Variants in ROPN1 observed in about 807,000 individuals in gnomAD.
ROPN1 encodes the protein ropporin-1A.
ROPN1 carries 14 observed loss-of-function variants against 20.5 expected under a neutral mutation model. The ratio of observed to expected loss-of-function variants is 0.68; its 90% CI spans 0.45 to 1.07. The LOEUF (loss-of-function observed/expected upper bound fraction) is 1.07. ROPN1 is among the 50% of genes least tolerant of loss of function. ROPN1 has a pLI of 0.00. For missense variants in ROPN1, 169 were observed against 242.8 expected (o/e 0.70, Z 2.02); for synonymous variants, 76 against 95.7 (o/e 0.79, Z 1.20).
chr3:123,976,604 A>G (rs1329639058), intron 3 of ROPN1, among the ~76,000 whole-genome samples: 2 of 152,250 alleles, frequency 1.3e-5, no homozygotes, highest in Non-Finnish European at 2.9e-5. Flanking sequence ...AGACGAGATT[A>G]GCATTGCATT....
rs1359466491 is a variant in ROPN1, at chr3:123,976,909, G to A, written c.189C>T (p.Asn63=). The change falls in exon 3 of 6, where the codon AAC becomes AAT. Residue 63 remains asparagine (N), a synonymous_variant. Transcript: ENST00000405845. ...RERSERVALC[N]RAELTPELLK... ...ACAGCTCAGGTGTTAGCTCTGCCCG[G>A]TTACACAAAGCGACTCGCTCAGACC... 1.3e-6 allele frequency: 2 copies of A among 1,598,190 alleles called. No homozygotes were observed. Among genetic ancestry groups the A allele is most frequent in the African/African-American group, 2.7e-5 (2 of 74,366 alleles).
At chr3:123,972,633 A>T (rs940350353) in intron 4 of ROPN1, among the ~76,000 whole-genome samples, 1 of 152,232 alleles carries the variant, frequency 6.6e-6, no homozygotes, top group Non-Finnish European at 1.5e-5. Context: ...TGTGTATTAG[A>T]CGCAGAGAGC....
intron 5 of ROPN1, among the ~76,000 whole-genome samples, chr3:123,969,734 C>G (rs532168839): frequency 3.3e-5 from 5 of 152,350 alleles, no homozygotes; most frequent in African/African-American, 7.2e-5. Flanking sequence ...TTCCTGGGCT[C>G]TGGCCCTAGA....
At chr3:123,982,443 A>G (rs2038169783) in intron 1 of ROPN1, among the ~76,000 whole-genome samples, 1 of 152,160 alleles carries the variant, frequency 6.6e-6, no homozygotes, top group Admixed American at 6.5e-5. Context: ...TGGAGGAGGG[A>G]GAGGATGGAG....
intron 4 of ROPN1, among the ~76,000 whole-genome samples, chr3:123,971,905 C>A (rs928573988): frequency 6.6e-6 from 1 of 151,956 alleles, no homozygotes; most frequent in Non-Finnish European, 1.5e-5. Flanking sequence ...AACATACGAC[C>A]GTTAAAAAGA....
rs1408453254 is a variant in ROPN1, at chr3:123,976,833, A to G, written c.234+31T>C. The G allele has an allele frequency of 6.9e-6, 11 of 1,589,840 alleles. No individual in the cohort carries two copies. In the East Asian group the frequency reaches 1.6e-4, roughly 23 times the overall value. On this transcript the variant is annotated intron_variant, in intron 3 of 5. Transcript: ENST00000405845. ...CACCCAGCCTCAACACTGTCCCTAC[A>G]TTCTCCTCAATGCTGCAGCAGGGCC... is the stretch of plus-strand genomic sequence containing the variant.
chr3:123,978,941 G>C (rs1468460092), intron 2 of ROPN1: 3 of 160,066 alleles, frequency 1.9e-5, no homozygotes, highest in African/African-American at 7.2e-5. Context: ...ACAATACTAA[G>C]CAATGTCAGT....
chr3:123,985,588 A>G (rs1559827257), intron 1 of ROPN1, among the ~76,000 whole-genome samples: 1 of 152,220 alleles, frequency 6.6e-6, no homozygotes, highest in Non-Finnish European at 1.5e-5. Flanking sequence ...AATATCCAAA[A>G]TCTGATACTT....
At chr3:123,986,551 G>A (rs984673342) in intron 1 of ROPN1, among the ~76,000 whole-genome samples, 4 of 152,158 alleles carry the variant, frequency 2.6e-5, no homozygotes, top group Non-Finnish European at 5.9e-5. Context: ...AGGAGGATCT[G>A]CTGTTCTCTG....
intron 4 of ROPN1, among the ~76,000 whole-genome samples, chr3:123,971,518 T>TC (rs1412461976): frequency 6.6e-6 from 1 of 152,024 alleles, no homozygotes; most frequent in African/African-American, 2.4e-5. Context: ...CCCCTGGGGG[T>TC]CCTCTCATGG....
At chr3:123,973,921 G>A (rs1014960972) in intron 4 of ROPN1, among the ~76,000 whole-genome samples, 1 of 152,198 alleles carries the variant, frequency 6.6e-6, no homozygotes, top group African/African-American at 2.4e-5. Context: ...TGCCAGGGAA[G>A]ACTAAGGGAT....
At chr3:123,987,817 G>A (rs2038299689) in intron 1 of ROPN1, among the ~76,000 whole-genome samples, 1 of 152,166 alleles carries the variant, frequency 6.6e-6, no homozygotes, top group South Asian at 2.1e-4. Context: ...TATCATGCTA[G>A]TATTACCTCT....
chr3:123,983,310 G>A (rs758981885), intron 1 of ROPN1, among the ~76,000 whole-genome samples: 1 of 151,308 alleles, frequency 6.6e-6, no homozygotes, highest in Non-Finnish European at 1.5e-5. Context: ...GGATCATATG[G>A]TAATTGTATT....
rs772870649 is a variant in ROPN1 at position 123,980,301 on chromosome 3, G to C, written c.116+65C>G. ...TAGCTGCAGCCATGACAACCTCCGCGGTTTTACAGGACCCTCTGTCTCCGG... is the reference window on the plus strand; with the variant it reads ...TAGCTGCAGCCATGACAACCTCCGCCGTTTTACAGGACCCTCTGTCTCCGG... On this transcript the variant is annotated intron_variant, in intron 2 of 5. Coordinates refer to ENST00000405845, the MANE Select transcript of ROPN1 (RefSeq NM_001317774.2). 4.0e-6 allele frequency: 6 copies of C among 1,497,920 alleles called. No homozygotes were observed. In the Admixed American group the frequency reaches 1.0e-4, roughly 25 times the overall value. 92.8% of individuals were successfully genotyped at this position (1,497,920 alleles called of 1,614,324 possible).
intron 1 of ROPN1, among the ~76,000 whole-genome samples, chr3:123,987,634 CT>C (rs1243717171): frequency 6.6e-6 from 1 of 152,248 alleles, no homozygotes; most frequent in Non-Finnish European, 1.5e-5. Context: ...CCTTCTTCAA[CT>C]GTGTTTCACA....
chr3:123,989,034 A>G (rs1577378328), intron 1 of ROPN1, among the ~76,000 whole-genome samples: 1 of 152,204 alleles, frequency 6.6e-6, no homozygotes, highest in Non-Finnish European at 1.5e-5. Context: ...ACTTGGAAAA[A>G]CCTGGTTTGT....
chr3:123,988,957 CAGGTATT>C (rs2149004854), intron 1 of ROPN1, among the ~76,000 whole-genome samples: 1 of 151,988 alleles, frequency 6.6e-6, no homozygotes, highest in African/African-American at 2.4e-5. Context: ...CTAACATCTG[CAGGTATT>C]AGAAGGAGGT....
chr3:123,984,228 T>C (rs539722920), intron 1 of ROPN1, among the ~76,000 whole-genome samples: 43 of 152,268 alleles, frequency 2.8e-4, no homozygotes, highest in African/African-American at 9.9e-4. Flanking sequence ...TGTTTTCCCA[T>C]CTTTGACCTC....
chr3:123,979,726 G>A, intron 2 of ROPN1: 1 of 397,762 alleles, frequency 2.5e-6, no homozygotes, highest in Non-Finnish European at 5.0e-6. Flanking sequence ...TCCCCAGAAT[G>A]CAGTGTGTAC....
Sources: gnomAD v4.1 joint callset for allele counts (sites outside exome capture counted in the v4.1 genomes callset) on GRCh38, gnomAD v4.1.1 for gene constraint, MANE v1.5 for transcripts, NCBI Gene and HGNC (gene_info 2026-07-23, HGNC 2026-07-21) for gene names.